THBS3: variants seen among roughly 807,000 people sequenced by gnomAD.
THBS3 encodes thrombospondin 3, also known as thrombospondin-3.
In THBS3, 78 loss-of-function variants were observed where a neutral mutation model predicts 118.3. The observed-to-expected ratio is 0.66, with a 90% CI of 0.55 to 0.80. The LOEUF (loss-of-function observed/expected upper bound fraction) is 0.80. Ranked by LOEUF, THBS3 falls within the 30% of genes least tolerant of loss-of-function variation. The pLI is 0.00. For missense variants in THBS3, 1,057 were observed against 1,247.4 expected, an observed-to-expected ratio of 0.85 and a Z score of 2.30; for synonymous variants, 427 against 475.3, an observed-to-expected ratio of 0.90 and a Z score of 1.32.
At chr1:155,204,554 C>A (rs144312806) in intron 4 of THBS3, among the ~76,000 whole-genome samples, 10 of 150,194 alleles carry the variant, frequency 6.7e-5, no homozygotes, top group Non-Finnish European at 1.2e-4. Context: ...CACTGCACTC[C>A]GGCCTGGGCA....
intron 11 of THBS3, 51 bp downstream of exon 11, chr1:155,201,366 C>G: frequency 6.4e-7 from 1 of 1,570,920 alleles, no homozygotes; most frequent in Non-Finnish European, 8.6e-7. Flanking sequence ...CATAGCCCTA[C>G]TCCTTTCCCC....
In THBS3 at chr1:155,198,109, T is replaced by C; in HGVS notation, c.2186A>G (p.Tyr729Cys). 1 of 1,614,170 alleles carries C rather than the reference T, an allele frequency of 6.2e-7. No individual in the cohort carries two copies. The highest frequency in any genetic ancestry group is 8.5e-7 in the Non-Finnish European group (1 of 1,180,042). The change falls in exon 18 of 23, where the codon TAT (tyrosine) becomes TGT (cysteine). Residue 729 changes from tyrosine to cysteine, a missense_variant. Transcript: ENST00000368378. ...CTCAGGATCCAGGACGACGGTCTGA[T>C]AGGCCCGAAAATCCGTAAGCGTTAC... ...AEVTLTDFRA[Y>C]QTVVLDPEGD...
At chr1:155,203,738 A>T (rs1400154532) in intron 4 of THBS3, among the ~76,000 whole-genome samples, 199 bp from the exon 5 acceptor site, 1 of 152,084 alleles carries the variant, frequency 6.6e-6, no homozygotes, top group Non-Finnish European at 1.5e-5. Flanking sequence ...CCTCTAAGGG[A>T]GTTGCTTCAC....
chr1:155,197,456 T>G lies in THBS3; in HGVS notation c.2499+7A>C. ...CCCTGGGTTGCGGAATCTGAGCAGC[T>G]GGGGACCTTGAGCTGCAGCCCGGGC... is the stretch of plus-strand genomic sequence containing the variant. On this transcript the variant is annotated splice_region_variant and intron_variant, in intron 20 of 22. Transcript: ENST00000368378. This position sits in a 1 kb window ranked among gnomAD's most constrained non-coding sequence, Gnocchi z 5.0. The G allele has an allele frequency of 1.2e-6, 2 of 1,611,628 alleles. No homozygotes were observed. The highest frequency in any genetic ancestry group is 1.7e-6 in the Non-Finnish European group (2 of 1,179,748).
chr1:155,205,733 G>T (rs1462970157), intron 2 of THBS3, among the ~76,000 whole-genome samples: 1 of 152,152 alleles, frequency 6.6e-6, no homozygotes, highest in Non-Finnish European at 1.5e-5. Context: ...AGCTGAGATT[G>T]TACCACTGCA....
At chr1:155,204,505 A>G (rs1442874528) in intron 4 of THBS3, among the ~76,000 whole-genome samples, 2 of 151,492 alleles carry the variant, frequency 1.3e-5, no homozygotes, top group South Asian at 2.1e-4. Flanking sequence ...CAGGAGAATC[A>G]CTTGAACTCA....
In THBS3 at chr1:155,206,690, C is replaced by T. The variant is rs960576216; in HGVS notation, c.80-284G>A. Among the ~76,000 whole-genome samples the T allele has an allele frequency of 4.0e-5, 6 of 151,768 alleles. No individual in the cohort carries two copies. The highest frequency in any genetic ancestry group is 1.2e-4 in the African/African-American group (5 of 41,320). The stretch of plus-strand genomic sequence containing the variant: ...ACAACAACAAAAAAGAAAAAAAAAC[C>T]ACCTAGCCGGGCGTGGTGGCGGGCA... On this transcript the variant is annotated intron_variant, in intron 1 of 22. Coordinates refer to ENST00000368378, the MANE Select transcript of THBS3 (RefSeq NM_007112.5). This position sits in a 1 kb window ranked among gnomAD's most constrained non-coding sequence, Gnocchi z 4.2.
At chr1:155,208,283 C>A (rs903906426), upstream of THBS3, among the ~76,000 whole-genome samples, 1 of 152,196 alleles carries the variant, frequency 6.6e-6, no homozygotes, top group African/African-American at 2.4e-5. Flanking sequence ...GAAAGGATGC[C>A]AAGGGAGTGG....
rs150820199 is a variant in THBS3, at chr1:155,201,175, G to A, written c.1359C>T (p.Asn453=). The change falls in exon 12 of 23, where the codon AAC becomes AAT. Residue 453 remains asparagine (N), a synonymous_variant. Transcript: ENST00000368378. The part of the protein sequence containing the change: ...QCNVGWAGNG[N]VCGTDTDIDG... ...CGATGTCTGTGTCAGTCCCACACAC[G>A]TTCCCATTCCCAGCCCAGCCCACGT... The A allele has an allele frequency of 7.4e-5, 119 of 1,614,010 alleles. No individual in the cohort carries two copies. The highest frequency in any genetic ancestry group is 1.6e-4 in the Middle Eastern group (1 of 6,084).
In THBS3 at chr1:155,197,940, T is replaced by A. The variant is rs370083135; in HGVS notation, c.2254-12A>T. ...ACGATTTCCATGCCCTGGGGTTGTATAGTAAAGAAAAAGCTGTGATGCAGG... is the reference window on the plus strand; with the variant it reads ...ACGATTTCCATGCCCTGGGGTTGTAAAGTAAAGAAAAAGCTGTGATGCAGG... On this transcript the variant is annotated splice_polypyrimidine_tract_variant and intron_variant, in intron 18 of 22. Transcript: ENST00000368378. The surrounding 1 kb of genome is among the most constrained non-coding windows in gnomAD (Gnocchi z 5.0). The A allele has an allele frequency of 1.9e-6, 3 of 1,613,954 alleles. No individual in the cohort carries two copies. In the African/African-American group the frequency reaches 4.0e-5, roughly 22 times the overall value.
chr1:155,197,323 C>G lies in THBS3; in HGVS notation c.2500-110G>C. 1 of 1,535,904 alleles carries G rather than the reference C, an allele frequency of 6.5e-7. No homozygotes were observed. The stretch of plus-strand genomic sequence containing the variant: ...GGATTCAAGGCGGTCATGAAAATGC[C>G]CTGGGGCCCCAGAGAGCCGGCCTCC... On this transcript the variant is annotated intron_variant, in intron 20 of 22. Coordinates refer to ENST00000368378, the MANE Select transcript of THBS3 (RefSeq NM_007112.5). This position sits in a 1 kb window ranked among gnomAD's most constrained non-coding sequence, Gnocchi z 5.0.
Position 155,197,113 on chromosome 1 carries a change from C to T in THBS3, c.2600G>A (p.Arg867Gln), listed in dbSNP as rs200430187. The T allele has an allele frequency of 1.9e-5, 30 of 1,614,198 alleles. 1 individual carries two copies. In the African/African-American group the frequency reaches 3.1e-4, roughly 16 times the overall value. The change falls in exon 21 of 23, where the codon CGA (arginine) becomes CAA (glutamine). Residue 867 changes from arginine to glutamine, a missense_variant. Around this residue, in one of 3 missense-constraint regions of THBS3, gnomAD observed 307 missense variants for 326.1 expected, o/e 0.94. Transcript: ENST00000368378. The surrounding 1 kb of genome is among the most constrained non-coding windows in gnomAD (Gnocchi z 5.0). ...GGTCTTGTCCCGCCAGCCCACATTT[C>T]GTGGGTCTGTCCACAGCAGTCGTAC... Reference protein sequence around the residue: ...DQVRLLWTDPRNVGWRDKTSY... With the variant: ...DQVRLLWTDPQNVGWRDKTSY...
chr1:155,200,637 G>A, intron 13 of THBS3, 27 bp from the exon 14 acceptor site: 1 of 1,609,648 alleles, frequency 6.2e-7, no homozygotes, highest in Non-Finnish European at 8.5e-7. Flanking sequence ...GAGGGGAAGG[G>A]TCAGGTCTCC....
At chr1:155,201,396 C>G in intron 11 of THBS3, 21 bp downstream of exon 11, 4 of 1,582,132 alleles carry the variant, frequency 2.5e-6, no homozygotes, top group Non-Finnish European at 2.6e-6. Context: ...CTTTTCCTTC[C>G]ACGCCTGAAG....
In THBS3 at chr1:155,207,868, C is replaced by G; in HGVS notation, c.9G>C (p.Thr3=). Residue 3 remains threonine, a synonymous_variant, in exon 1 of 23, where the codon ACG becomes ACC. Transcript: ENST00000368378. ...GAGCCAGGGCCCCCCGAAGTTCCTG[C>G]GTCTCCATGCCTCTCAGCCGGCTCA... ME[T]QELRGALALL... 1 of 1,613,922 alleles carries G rather than the reference C, an allele frequency of 6.2e-7. No individual in the cohort carries two copies. Among genetic ancestry groups the G allele is most frequent in the Non-Finnish European group, 8.5e-7 (1 of 1,179,998 alleles).
At chr1:155,198,358 A>C in intron 17 of THBS3, 51 bp downstream of exon 17, 1 of 1,593,876 alleles carries the variant, frequency 6.3e-7, no homozygotes, top group African/African-American at 1.3e-5. Flanking sequence ...TGCTGCCTCC[A>C]CCTGGGCAAA....
chr1:155,197,560 C>T lies in THBS3; in HGVS notation c.2402G>A (p.Ser801Asn), dbSNP rs768550520. 2 of 1,611,152 alleles carry T rather than the reference C, an allele frequency of 1.2e-6. No homozygotes were observed. The highest frequency in any genetic ancestry group is 1.7e-6 in the Non-Finnish European group (2 of 1,178,622). The change falls in exon 20 of 23, where the codon AGT (serine) becomes AAT (asparagine). Residue 801 changes from serine (S) to asparagine (N), a missense_variant. Coordinates refer to ENST00000368378, the MANE Select transcript of THBS3 (RefSeq NM_007112.5). The surrounding 1 kb of genome is among the most constrained non-coding windows in gnomAD (Gnocchi z 5.0). ...CCACATGACTACGTAGAAGCGGCCACTGTCTTGATAACTGAAGAGAAAGCC... is the reference window on the plus strand; with the variant it reads ...CCACATGACTACGTAGAAGCGGCCATTGTCTTGATAACTGAAGAGAAAGCC... ...YAGFLFSYQD[S>N]GRFYVVMWKQ... is the part of the protein sequence containing the mutation.
In THBS3 at chr1:155,198,296, G is replaced by A; in HGVS notation, c.2075-76C>T. On this transcript the variant is annotated intron_variant, in intron 17 of 22. Coordinates refer to ENST00000368378, the MANE Select transcript of THBS3 (RefSeq NM_007112.5). ...GGCAACAATACCATCTGTTGGGCCTGCATTCCTGACATCTTTCCCCACCTT... is the reference window on the plus strand; with the variant it reads ...GGCAACAATACCATCTGTTGGGCCTACATTCCTGACATCTTTCCCCACCTT... 2.5e-6 allele frequency: 4 copies of A among 1,591,808 alleles called. No homozygotes were observed. In the South Asian group the frequency reaches 3.4e-5, roughly 14 times the overall value.
Position 155,205,103 on chromosome 1 carries a change from C to A in THBS3, c.500G>T (p.Gly167Val). 1 of 1,614,112 alleles carries A rather than the reference C, an allele frequency of 6.2e-7. No homozygotes were observed. Among genetic ancestry groups the A allele is most frequent in the Non-Finnish European group, 8.5e-7 (1 of 1,180,008 alleles). Reference sequence around the variant, plus strand: ...CTTCTGTCCAGTCCTAATCTCCAGCCCATCGACCTCCGCTGGAGGAATGGG... The same window carrying A: ...CTTCTGTCCAGTCCTAATCTCCAGCACATCGACCTCCGCTGGAGGAATGGG... ...LAPIPPAEVD[G>V]LEIRTGQKAY... Residue 167 changes from glycine (G) to valine (V), a missense_variant, in exon 3 of 23, where the codon GGG (glycine) becomes GTG (valine). By Grantham distance (109) the Gly-to-Val change is moderately radical. Around this residue, in one of 3 missense-constraint regions of THBS3, gnomAD observed 544 missense variants for 715.6 expected, o/e 0.76. Coordinates refer to ENST00000368378, the MANE Select transcript of THBS3 (RefSeq NM_007112.5).
Sources: allele counts gnomAD v4.1 joint callset (sites outside exome capture counted in the v4.1 genomes callset), GRCh38; gene constraint gnomAD v4.1.1; regional missense constraint gnomAD v4.1.1; non-coding constraint Gnocchi (gnomAD v3.1); transcripts MANE v1.5; gene names NCBI Gene and HGNC (gene_info 2026-07-23, HGNC 2026-07-21).